NBPF19: variants seen among roughly 807,000 people sequenced by gnomAD.
The protein encoded by NBPF19 is NBPF member 19.
A neutral mutation model predicts 45.9 loss-of-function variants in NBPF19; 30 were observed. The observed-to-expected ratio is 0.65, with a 90% confidence interval of 0.49 to 0.89. The LOEUF is 0.89. NBPF19 is among the 40% of genes least tolerant of loss of function. The pLI is 0.00. For synonymous variants in NBPF19, 183 were observed against 181.2 expected (o/e 1.01, Z -0.08); for missense variants, 495 against 471.8 (o/e 1.05, Z -0.46).
intron 9 of NBPF19, among the ~76,000 whole-genome samples, chr1:149,487,683 T>A (rs1462289394): frequency 1.3e-5 from 2 of 150,186 alleles, no homozygotes; most frequent in Non-Finnish European, 3.0e-5. Flanking sequence ...CTTTTCATGA[T>A]CACTGTTCAC....
At chr1:149,481,572 C>A (rs2085194228) in intron 6 of NBPF19, among the ~76,000 whole-genome samples, 4 of 115,870 alleles carry the variant, frequency 3.5e-5, no homozygotes, top group African/African-American at 1.0e-4. Context: ...CCTCTGCCTC[C>A]CAGATTCAAG....
rs1383251996 is a variant in NBPF19, at chr1:149,475,439, A to G, written c.-392A>G. 1.3e-5 allele frequency among the ~76,000 whole-genome samples: 2 copies of G among 150,910 alleles called. No homozygotes were observed. The highest frequency in any genetic ancestry group is 6.6e-5 in the Admixed American group (1 of 15,106). ...AACAGTGAGGAATATGCTTAGATGT[A>G]TTGGGAAAGACATGGGTCTGTGGCA... is the stretch of plus-strand genomic sequence containing the variant. On this transcript the variant is annotated 5_prime_UTR_variant, in exon 1 of 94. Coordinates refer to ENST00000651566, the MANE Select transcript of NBPF19 (RefSeq NM_001351365.2).
rs1409032557 is a variant in NBPF19 at position 149,475,527 on chromosome 1, A to G, written c.-304A>G. ...GAAGGAATGATCCCCATTGGTGGTGACCCTCAGGTGAAAGTAGGGTGCCTG... is the reference window on the plus strand; with the variant it reads ...GAAGGAATGATCCCCATTGGTGGTGGCCCTCAGGTGAAAGTAGGGTGCCTG... On this transcript the variant is annotated 5_prime_UTR_variant, in exon 1 of 94. Transcript: ENST00000651566. The G allele has an allele frequency of 4.1e-6, 3 of 724,446 alleles. No individual in the cohort carries two copies. The highest frequency in any genetic ancestry group is 6.8e-6 in the Non-Finnish European group (3 of 441,962). 44.9% of individuals were successfully genotyped at this position (724,446 alleles called of 1,614,324 possible). A position where few individuals can be genotyped will look rare whatever the true frequency, so the allele number is the denominator to read the frequency against.
rs1447382032 is a variant in NBPF19 at position 149,554,965 on chromosome 1, G to A, written c.*227G>A. ...TTCACATAACTGTGCAGCACATGCC[G>A]GGAGTGATCAGTCGGACATTTTAAT... On this transcript the variant is annotated 3_prime_UTR_variant, in exon 94 of 94. Transcript: ENST00000651566. The A allele has an allele frequency of 1.0e-4, 76 of 752,364 alleles. 1 individual carries two copies. Among genetic ancestry groups the A allele is most frequent in the Non-Finnish European group, 1.2e-4 (56 of 473,208 alleles). 46.6% of individuals were successfully genotyped at this position (752,364 alleles called of 1,614,324 possible).
chr1:149,487,953 T>C lies in NBPF19; in HGVS notation c.1041-60T>C, dbSNP rs1188423219. The C allele has an allele frequency of 4.0e-5, 28 of 700,588 alleles. 1 individual carries two copies. The highest frequency in any genetic ancestry group is 1.7e-4 in the South Asian group (11 of 65,636). The allele number at this position is 700,588 out of a possible 1,614,324, so 43.4% of individuals were successfully genotyped here. ...CCTTATGTTAGCCATGAAATCTAGC[T>C]GGGGCTGTGTGGTTTCTGATTCCCC... On this transcript the variant is annotated intron_variant, in intron 9 of 93. Coordinates refer to ENST00000651566, the MANE Select transcript of NBPF19 (RefSeq NM_001351365.2).
intron 7 of NBPF19, among the ~76,000 whole-genome samples, chr1:149,484,471 A>G (rs2085393680): frequency 8.3e-5 from 12 of 145,454 alleles, no homozygotes. Context: ...CGTTGTGCAC[A>G]TGTACCCTAA....
At chr1:149,476,743 TG>T (rs1487838951) in intron 2 of NBPF19, among the ~76,000 whole-genome samples, 1 of 148,190 alleles carries the variant, frequency 6.7e-6, no homozygotes, top group Non-Finnish European at 1.5e-5. Flanking sequence ...GAGACTAGCC[TG>T]GGCAACATGG....
chr1:149,487,360 G>C lies in NBPF19; in HGVS notation c.1017G>C (p.Glu339Asp). ...ATCGCTGGGATCAAGTGAAAAAGGAGGACCAAGAGGCAACAGGTCCCAGGT... is the reference window on the plus strand; with the variant it reads ...ATCGCTGGGATCAAGTGAAAAAGGACGACCAAGAGGCAACAGGTCCCAGGT... ...GRHRWDQVKK[E>D]DQEATGPRLS... Residue 339 changes from glutamate to aspartate, a missense_variant, in exon 9 of 94, where the codon GAG becomes GAC. Around this residue, in one of 8 missense-constraint regions of NBPF19, gnomAD observed 146 missense variants for 67.3 expected, o/e 2.17. Transcript: ENST00000651566. 1.3e-6 allele frequency: 2 copies of C among 1,559,958 alleles called. No homozygotes were observed. Among genetic ancestry groups the C allele is most frequent in the South Asian group, 1.1e-5 (1 of 90,300 alleles).
chr1:149,487,220 C>T (rs2085583477), intron 8 of NBPF19, 112 bp from the exon 9 acceptor site: 18 of 828,306 alleles, frequency 2.2e-5, no homozygotes, highest in South Asian at 2.1e-4. Flanking sequence ...CTCAAAGTCT[C>T]CTGTTCTCAC....
Position 149,554,564 on chromosome 1 carries a change from G to A in NBPF19, c.11358G>A (p.Ser3786=), listed in dbSNP as rs1206525239. Residue 3786 remains serine, a synonymous_variant, in exon 94 of 94, where the codon TCG becomes TCA. Transcript: ENST00000651566. Reference sequence around the variant, plus strand: ...AGGACTCACTGGATGGATGTTATTCGACTCCGTCAATGTACTTTGAACTAC... The same window carrying A: ...AGGACTCACTGGATGGATGTTATTCAACTCCGTCAATGTACTTTGAACTAC... The part of the protein sequence containing the change: ...VLQDSLDGCY[S]TPSMYFELPD... 3.3e-5 allele frequency: 53 copies of A among 1,607,656 alleles called. 2 individuals are homozygous for A. The highest frequency in any genetic ancestry group is 2.5e-4 in the East Asian group (11 of 44,856).
chr1:149,488,093 G>T lies in NBPF19; in HGVS notation c.1121G>T (p.Gly374Val), dbSNP rs2085724140. 4.5e-6 allele frequency: 3 copies of T among 665,574 alleles called. No individual in the cohort carries two copies. The highest frequency in any genetic ancestry group is 1.9e-5 in the African/African-American group (1 of 51,302). 41.2% of individuals were successfully genotyped at this position (665,574 alleles called of 1,614,324 possible). A position where few individuals can be genotyped will look rare whatever the true frequency, so the allele number is the denominator to read the frequency against. The change falls in exon 10 of 94, where the codon GGT (glycine) becomes GTT (valine). Residue 374 changes from glycine (G) to valine (V), a missense_variant. Gly to Val is a moderately radical substitution (Grantham distance 109, BLOSUM62 -3). Transcript: ENST00000651566. ...SLDRCYSTPS[G>V]CLELTDSCQP... is the part of the protein sequence containing the mutation. Reference sequence around the variant, plus strand: ...GATAGATGTTATTCAACTCCTTCAGGTTGTCTTGAACTGACTGACTCATGC... The same window carrying T: ...GATAGATGTTATTCAACTCCTTCAGTTTGTCTTGAACTGACTGACTCATGC...
At chr1:149,479,900 T>A (rs1239617865) in intron 4 of NBPF19, among the ~76,000 whole-genome samples, 2 of 150,762 alleles carry the variant, frequency 1.3e-5, no homozygotes, top group Non-Finnish European at 3.0e-5. Flanking sequence ...TCCAGTGATA[T>A]GGGAAGCAAA....
chr1:149,487,897 A>G (rs1221816035), intron 9 of NBPF19, 116 bp from the exon 10 acceptor site: 2 of 746,204 alleles, frequency 2.7e-6, no homozygotes, highest in Non-Finnish European at 4.9e-6. Flanking sequence ...TACCTCACTA[A>G]TGGATCTCTC....
At chr1:149,528,905 G>T (rs1278071598) in intron 61 of NBPF19, among the ~76,000 whole-genome samples, 2 of 123,288 alleles carry the variant, frequency 1.6e-5, no homozygotes, top group African/African-American at 3.2e-5. Flanking sequence ...TCCCTCATCA[G>T]TGTGTCACCT....
chr1:149,487,128 CAG>C (rs1381984804), intron 8 of NBPF19, among the ~76,000 whole-genome samples: 1 of 150,126 alleles, frequency 6.7e-6, no homozygotes, highest in Non-Finnish European at 1.5e-5. Context: ...CATTCCAACA[CAG>C]GGGAATTTTG....
Position 149,488,076 on chromosome 1 carries a change from T to G in NBPF19, c.1104T>G (p.Cys368Trp), listed in dbSNP as rs1292010565. 1 of 664,864 alleles carries G rather than the reference T, an allele frequency of 1.5e-6. No homozygotes were observed. Among genetic ancestry groups the G allele is most frequent in the Non-Finnish European group, 2.7e-6 (1 of 368,832 alleles). The allele number at this position is 664,864 out of a possible 1,614,324, so 41.2% of individuals were successfully genotyped here. Residue 368 changes from cysteine (C) to tryptophan (W), a missense_variant, in exon 10 of 94, where the codon TGT becomes TGG. Physicochemically the swap from Cys to Trp is radical, Grantham distance 215. Around this residue, in one of 8 missense-constraint regions of NBPF19, gnomAD observed 146 missense variants for 67.3 expected, o/e 2.17. Coordinates refer to ENST00000651566, the MANE Select transcript of NBPF19 (RefSeq NM_001351365.2). ...TCTTGCAGGACTCACTGGATAGATGTTATTCAACTCCTTCAGGTTGTCTTG... is the reference window on the plus strand; with the variant it reads ...TCTTGCAGGACTCACTGGATAGATGGTATTCAACTCCTTCAGGTTGTCTTG... ...PEVLQDSLDRCYSTPSGCLEL... is the reference protein window; with the variant it reads ...PEVLQDSLDRWYSTPSGCLEL...
At chr1:149,554,184 CTGTG>C (rs1206349068) in intron 93 of NBPF19, among the ~76,000 whole-genome samples, 5 of 145,248 alleles carry the variant, frequency 3.4e-5, no homozygotes, top group African/African-American at 5.2e-5. Flanking sequence ...TCACAGTTTG[CTGTG>C]TGTCATGAGG....
rs1368193101 is a variant in NBPF19 at position 149,554,833 on chromosome 1, A to T, written c.*95A>T. On this transcript the variant is annotated 3_prime_UTR_variant, in exon 94 of 94. Transcript: ENST00000651566. ...AAACTACAGTTCCATTTGGAAGCCC[A>T]GACATAGGATGGGTCAGTGGGCATG... 2 of 1,587,700 alleles carry T rather than the reference A, an allele frequency of 1.3e-6. No homozygotes were observed. The highest frequency in any genetic ancestry group is 1.3e-5 in the African/African-American group (1 of 74,218).
rs1229927037 is a variant in NBPF19, at chr1:149,478,868, G to T, written c.279-12G>T. On this transcript the variant is annotated splice_polypyrimidine_tract_variant and intron_variant, in intron 3 of 93. Transcript: ENST00000651566. ...TTTCTACTCTTAAATTTTCTCTACC[G>T]TCTCACCTTAGGCAATATAAAGTCC... The T allele has an allele frequency of 2.5e-6, 4 of 1,594,656 alleles. No individual in the cohort carries two copies. The highest frequency in any genetic ancestry group is 2.6e-6 in the Non-Finnish European group (3 of 1,164,862).
Sources: allele counts gnomAD v4.1 joint callset (sites outside exome capture counted in the v4.1 genomes callset), GRCh38; gene constraint gnomAD v4.1.1; regional missense constraint gnomAD v4.1.1; transcripts MANE v1.5; gene names NCBI Gene and HGNC (gene_info 2026-07-23, HGNC 2026-07-21).